The following ADGRL3 variants were observed in gnomAD, a reference collection of about 807,000 sequenced individuals.
ADGRL3 encodes adhesion G protein-coupled receptor L3, also known as calcium-independent alpha-latrotoxin receptor 3.
A neutral mutation model predicts 153.5 loss-of-function variants in ADGRL3; 62 were observed. The observed-to-expected ratio is 0.40, with a 90% confidence interval of 0.33 to 0.50. The LOEUF (loss-of-function observed/expected upper bound fraction) is 0.50, where lower values mean the gene tolerates loss of function less well. ADGRL3 is among the 20% of genes least tolerant of loss of function. The pLI is 0.47. For missense variants in ADGRL3, 1,641 were observed against 1,859.4 expected (o/e 0.88, Z 2.16); for synonymous variants, 710 against 672.5 (o/e 1.06, Z -0.86).
chr4:62,039,181 C>G (rs933370511), intron 24 of ADGRL3, among the ~76,000 whole-genome samples: 1 of 151,924 alleles, frequency 6.6e-6, no homozygotes, highest in Non-Finnish European at 1.5e-5. Flanking sequence ...TAAATAATTT[C>G]ATTTATATGC....
chr4:61,857,037 CT>C (rs1287673392), intron 9 of ADGRL3, among the ~76,000 whole-genome samples: 2 of 147,100 alleles, frequency 1.4e-5, no homozygotes, highest in East Asian at 4.1e-4. Context: ...TCCTTCCTTC[CT>C]TCCCTTTCTC....
intron 1 of ADGRL3, among the ~76,000 whole-genome samples, chr4:61,232,826 G>A (rs1045847673): frequency 1.8e-4 from 27 of 152,190 alleles, no homozygotes; most frequent in African/African-American, 6.3e-4. Flanking sequence ...TTAGAAATAA[G>A]CCCTCAGCTT....
intron 3 of ADGRL3, among the ~76,000 whole-genome samples, chr4:61,508,724 G>A (rs74564721): frequency 6.6e-6 from 1 of 152,030 alleles, no homozygotes; most frequent in African/African-American, 2.4e-5. Flanking sequence ...TTCCGACCTT[G>A]CCTCACTCTC....
intron 8 of ADGRL3, among the ~76,000 whole-genome samples, chr4:61,761,680 G>T (rs1473803097): frequency 6.6e-6 from 1 of 152,172 alleles, no homozygotes; most frequent in Admixed American, 6.5e-5. Context: ...TTGTAGTCCT[G>T]CCACATTGAA....
At chr4:61,239,826 A>G (rs770153844) in intron 1 of ADGRL3, among the ~76,000 whole-genome samples, 13 of 152,150 alleles carry the variant, frequency 8.5e-5, no homozygotes. Flanking sequence ...GAAATGAGTT[A>G]TGTTAGAATT....
At chr4:61,526,752 A>C (rs2098563663) in intron 4 of ADGRL3, among the ~76,000 whole-genome samples, 1 of 152,156 alleles carries the variant, frequency 6.6e-6, no homozygotes, top group African/African-American at 2.4e-5. Flanking sequence ...CAACAGAGTA[A>C]GACCCTACCT....
At chr4:61,894,946 A>C (rs967523032) in intron 10 of ADGRL3, among the ~76,000 whole-genome samples, 1 of 152,114 alleles carries the variant, frequency 6.6e-6, no homozygotes, top group African/African-American at 2.4e-5. Context: ...TTACTTTTCT[A>C]CTTTCATTAA....
At chr4:61,256,834 T>A (rs1387521067) in intron 1 of ADGRL3, among the ~76,000 whole-genome samples, 1 of 152,124 alleles carries the variant, frequency 6.6e-6, no homozygotes, top group Non-Finnish European at 1.5e-5. Context: ...ATATCCTACT[T>A]TTATTAGTGG....
At chr4:61,287,512 A>G (rs1252537293) in intron 1 of ADGRL3, among the ~76,000 whole-genome samples, 5 of 152,000 alleles carry the variant, frequency 3.3e-5, no homozygotes, top group African/African-American at 1.2e-4. Context: ...ATACTATTGG[A>G]AAACAATTGT....
intron 1 of ADGRL3, among the ~76,000 whole-genome samples, chr4:61,288,019 C>A (rs2094011125): frequency 6.6e-6 from 1 of 151,874 alleles, no homozygotes; most frequent in South Asian, 2.1e-4. Flanking sequence ...AATACTACAT[C>A]CAGCCAGTGT....
At chr4:62,007,383 T>TATATACAC (rs71213024) in intron 21 of ADGRL3, among the ~76,000 whole-genome samples, 3,732 of 30,600 alleles carry the variant, frequency 0.12, 237 homozygotes, top group Non-Finnish European at 0.18. Flanking sequence ...TATATATATA[T>TATATACAC]ACACACACAC....
At chr4:62,003,063 C>T (rs936498697) in intron 21 of ADGRL3, among the ~76,000 whole-genome samples, 4 of 152,110 alleles carry the variant, frequency 2.6e-5, no homozygotes, top group Non-Finnish European at 4.4e-5. Context: ...TGCTTAATAA[C>T]ATCTCAAGTT....
At chr4:61,820,810 G>T (rs2148716729) in intron 9 of ADGRL3, among the ~76,000 whole-genome samples, 1 of 152,126 alleles carries the variant, frequency 6.6e-6, no homozygotes, top group East Asian at 1.9e-4. Flanking sequence ...TTAGAGTTCT[G>T]AAGGTCATAT....
chr4:61,500,017 C>A (rs1407354585), intron 3 of ADGRL3, among the ~76,000 whole-genome samples: 5 of 119,326 alleles, frequency 4.2e-5, no homozygotes, highest in African/African-American at 6.3e-5. Context: ...CACACACATA[C>A]ACACACAGAA....
chr4:61,744,560 A>G (rs1268591388), intron 8 of ADGRL3, among the ~76,000 whole-genome samples: 1 of 152,162 alleles, frequency 6.6e-6, no homozygotes, highest in African/African-American at 2.4e-5. Flanking sequence ...GCTTCACAAA[A>G]ATCCGCTGTT....
chr4:61,253,553 G>A (rs1252047039), intron 1 of ADGRL3, among the ~76,000 whole-genome samples: 11 of 152,076 alleles, frequency 7.2e-5, no homozygotes, highest in Non-Finnish European at 1.2e-4. Flanking sequence ...TTCCAAACAG[G>A]CCAGGGAATA....
chr4:61,556,206 G>A (rs2098765731), intron 4 of ADGRL3, among the ~76,000 whole-genome samples: 1 of 152,102 alleles, frequency 6.6e-6, no homozygotes. Context: ...AAAACAAGGT[G>A]GGGAAGAAAG....
At position 61,532,547 on chromosome 4, in the gene ADGRL3, C is replaced by CGTGTGTGT. The variant is rs1476156297; in HGVS notation, c.259+15030_259+15031insTGTGTGTG. ...GATGCTGCATGCGCGCGCGCGCGCG[C>CGTGTGTGT]GCGCGCGCGTGTGTGTGTGTGTGTG... On this transcript the variant is annotated intron_variant, in intron 4 of 26. Coordinates refer to ENST00000683033, the MANE Select transcript of ADGRL3 (RefSeq NM_001387552.1). Among the ~76,000 whole-genome samples, 6 of 62,188 alleles carry CGTGTGTGT rather than the reference C, an allele frequency of 9.6e-5. 1 individual carries two copies. The highest frequency in any genetic ancestry group is 1.5e-3 in the South Asian group (2 of 1,362). 40.8% of individuals were successfully genotyped at this position (62,188 alleles called of 152,430 possible). A position where few individuals can be genotyped will look rare whatever the true frequency, so the allele number is the denominator to read the frequency against.
intron 21 of ADGRL3, among the ~76,000 whole-genome samples, chr4:62,021,949 G>A (rs2099240231): frequency 6.6e-6 from 1 of 152,136 alleles, no homozygotes; most frequent in Non-Finnish European, 1.5e-5. Flanking sequence ...GCAATGGCTT[G>A]TAAGTGTTCA....
Sources: gnomAD v4.1 joint callset for allele counts (sites outside exome capture counted in the v4.1 genomes callset) on GRCh38, gnomAD v4.1.1 for gene constraint, MANE v1.5 for transcripts, NCBI Gene and HGNC (gene_info 2026-07-23, HGNC 2026-07-21) for gene names.